MPP1: variants seen among roughly 807,000 people sequenced by gnomAD.
MPP1 encodes the protein 55 kDa erythrocyte membrane protein.
Under a neutral mutation model 38.2 loss-of-function variants are expected in MPP1, and 6 were observed. The ratio of observed to expected loss-of-function variants is 0.16; its 90% confidence interval spans 0.09 to 0.31. The LOEUF (loss-of-function observed/expected upper bound fraction) is 0.31. Among genes scored for constraint, MPP1 ranks in the 10% least tolerant of loss-of-function variants. The pLI is 1.00. For synonymous variants in MPP1, 153 were observed against 146.3 expected (o/e 1.05, Z -0.33); for missense variants, 293 against 368.9 (o/e 0.79, Z 1.69).
intron 1 of MPP1, among the ~76,000 whole-genome samples, chrX:154,797,038 A>G (rs1270453368): frequency 8.9e-6 from 1 of 111,740 alleles, no homozygotes; most frequent in African/African-American, 3.3e-5. Flanking sequence ...ACAGAGCGAG[A>G]CTCTATCTCT....
chrX:154,781,908 GACTTTAAT>G (rs1226658594), intron 9 of MPP1, 106 bp from the exon 10 acceptor site: 4 of 771,889 alleles, frequency 5.2e-6, no homozygotes, highest in Non-Finnish European at 7.6e-6. Context: ...TTGGTGCATT[GACTTTAAT>G]ACAGGGGTTC....
At chrX:154,794,849 C>G (rs1468550967) in intron 1 of MPP1, among the ~76,000 whole-genome samples, 2 of 111,900 alleles carry the variant, frequency 1.8e-5, no homozygotes, top group Non-Finnish European at 3.8e-5. Flanking sequence ...ACCTGTAATC[C>G]CAGCACTTTG....
At chrX:154,796,367 G>C (rs2072198344) in intron 1 of MPP1, among the ~76,000 whole-genome samples, 1 of 111,349 alleles carries the variant, frequency 9.0e-6, no homozygotes, top group Non-Finnish European at 1.9e-5. Context: ...CTGACCGCAA[G>C]TGATCCACCT....
At position 154,778,918 on chromosome X, in the gene MPP1, C is replaced by T. The variant is rs1257666230; in HGVS notation, c.*259G>A. The T allele has an allele frequency of 2.9e-6, 1 of 349,312 alleles. No individual in the cohort carries two copies. The highest frequency in any genetic ancestry group is 4.9e-6 in the Non-Finnish European group (1 of 203,736). 28.8% of individuals were successfully genotyped at this position (349,312 alleles called of 1,213,427 possible). On this transcript the variant is annotated 3_prime_UTR_variant, in exon 12 of 12. Coordinates refer to ENST00000369534, the MANE Select transcript of MPP1 (RefSeq NM_002436.4). ...GTGCATCACCCTTGATTAGCAGTTA[C>T]ATTTTGGTAGTACTTCTTACCCCCA...
At chrX:154,799,755 A>G in intron 1 of MPP1, 1 of 1,162,885 alleles carries the variant, frequency 8.6e-7, no homozygotes, top group Non-Finnish European at 1.1e-6. Context: ...CCAGGACTCC[A>G]TGTCTGGCCT....
At chrX:154,797,329 C>T (rs150468981) in intron 1 of MPP1, among the ~76,000 whole-genome samples, 7,862 of 111,091 alleles carry the variant, frequency 0.071, 699 homozygotes, top group African/African-American at 0.25. Flanking sequence ...ACTAAAAGCA[C>T]GTATACATGA....
Position 154,786,322 on chromosome X carries a change from C to T in MPP1, c.559G>A (p.Ala187Thr), listed in dbSNP as rs950125120. 8.3e-7 allele frequency: 1 copy of T among 1,211,705 alleles called. No individual in the cohort carries two copies. Among genetic ancestry groups the T allele is most frequent in the East Asian group, 3.0e-5 (1 of 33,828 alleles). ...ATAATCTGGATAATGTCCCCAGTAG[C>T]AAACTTCAGTCCCGCCTCCTTGCAA... Reference protein sequence around the residue: ...IPCKEAGLKFATGDIIQIINK... With the variant: ...IPCKEAGLKFTTGDIIQIINK... The change falls in exon 6 of 12, where the codon GCT (alanine) becomes ACT (threonine). Residue 187 changes from alanine (A) to threonine (T), a missense_variant. Physicochemically the swap from Ala to Thr is moderately conservative, Grantham distance 58. Coordinates refer to ENST00000369534, the MANE Select transcript of MPP1 (RefSeq NM_002436.4).
At chrX:154,781,383 T>TTTGATA in intron 10 of MPP1, 70 bp from the exon 11 acceptor site, 2 of 869,541 alleles carry the variant, frequency 2.3e-6, no homozygotes, top group South Asian at 4.4e-5. Flanking sequence ...AAAAAAAACC[T>TTTGATA]ACATAGCTGT....
chrX:154,805,015 C>T (rs1222366819), intron 1 of MPP1, among the ~76,000 whole-genome samples: 2 of 113,265 alleles, frequency 1.8e-5, no homozygotes, highest in African/African-American at 6.4e-5. Context: ...TTAATAAGCG[C>T]ACTGTCCAGG....
intron 7 of MPP1, chrX:154,784,782 C>T: frequency 2.4e-6 from 1 of 411,742 alleles, no homozygotes; most frequent in Non-Finnish European, 4.5e-6. Flanking sequence ...CCTCACTTCC[C>T]CTCTCCCACC....
In MPP1 at chrX:154,781,663, T is replaced by C; in HGVS notation, c.1086A>G (p.Lys362=). ...TATGGATCTGGTGCACTGTTTCAAA[T>C]TTGGTGCCAAACATGTTGCCTTGGT... ...GSYQGNMFGT[K]FETVHQIHKQ... is the part of the protein sequence containing the mutation. The change falls in exon 10 of 12, where the codon AAA becomes AAG. Residue 362 remains lysine (K), a synonymous_variant. Coordinates refer to ENST00000369534, the MANE Select transcript of MPP1 (RefSeq NM_002436.4). 2.5e-6 allele frequency: 3 copies of C among 1,211,709 alleles called. No individual in the cohort carries two copies. Among genetic ancestry groups the C allele is most frequent in the Non-Finnish European group, 3.3e-6 (3 of 895,544 alleles).
chrX:154,783,518 A>G lies in MPP1; in HGVS notation c.866-11T>C. On this transcript the variant is annotated splice_polypyrimidine_tract_variant and intron_variant, in intron 8 of 11. Coordinates refer to ENST00000369534, the MANE Select transcript of MPP1 (RefSeq NM_002436.4). ...CCACCCCACTGGCTCCTGTGTAGAGAGAGAAGAACATCTTTTGGAAAGGGG... is the reference window on the plus strand; with the variant it reads ...CCACCCCACTGGCTCCTGTGTAGAGGGAGAAGAACATCTTTTGGAAAGGGG... 8.4e-7 allele frequency: 1 copy of G among 1,186,001 alleles called. No individual in the cohort carries two copies.
intron 9 of MPP1, 106 bp from the exon 10 acceptor site, chrX:154,781,908 G>A (rs2072010985): frequency 1.3e-6 from 1 of 773,608 alleles, no homozygotes; most frequent in African/African-American, 2.0e-5. Context: ...TTGGTGCATT[G>A]ACTTTAATAC....
At chrX:154,783,686 A>C (rs995694977) in intron 8 of MPP1, 179 bp from the exon 9 acceptor site, 70 of 441,892 alleles carry the variant, frequency 1.6e-4, no homozygotes, top group Non-Finnish European at 2.6e-4. Context: ...CAAAGCCTAC[A>C]TACCTGGGTT....
chrX:154,799,881 T>G, intron 1 of MPP1: 2 of 1,141,539 alleles, frequency 1.8e-6, no homozygotes, highest in South Asian at 4.0e-5. Flanking sequence ...CAGAGGCAGT[T>G]GCTCAAAGGA....
chrX:154,799,820 G>A lies in MPP1; in HGVS notation c.102+5452C>T, dbSNP rs908117692. The stretch of plus-strand genomic sequence containing the variant: ...ACAAAGTGCTGGAGTGGCAATGCCT[G>A]CCGCTCTGAAAGCCCCTTCAGAGGA... On this transcript the variant is annotated intron_variant, in intron 1 of 11. Coordinates refer to ENST00000369534, the MANE Select transcript of MPP1 (RefSeq NM_002436.4). The A allele has an allele frequency of 5.2e-6, 6 of 1,164,391 alleles. No individual in the cohort carries two copies. The South Asian group carries it at 5.7e-5, about 11-fold the overall frequency.
At chrX:154,797,570 T>C (rs1417491381) in intron 1 of MPP1, among the ~76,000 whole-genome samples, 3 of 111,856 alleles carry the variant, frequency 2.7e-5, no homozygotes, top group East Asian at 5.6e-4. Context: ...GCTGCAGCAA[T>C]TGGAAACTCA....
chrX:154,798,961 C>T (rs2072231508), intron 1 of MPP1, among the ~76,000 whole-genome samples: 1 of 111,174 alleles, frequency 9.0e-6, no homozygotes. Context: ...CTTGAACTCC[C>T]AACCTCAGGT....
At chrX:154,803,822 T>C (rs2148544113) in intron 1 of MPP1, among the ~76,000 whole-genome samples, 1 of 112,521 alleles carries the variant, frequency 8.9e-6, no homozygotes, top group African/African-American at 3.2e-5. Context: ...GTATGCTAAG[T>C]GTACCTCAAT....
Sources: allele counts gnomAD v4.1 joint callset (sites outside exome capture counted in the v4.1 genomes callset), GRCh38; gene constraint gnomAD v4.1.1; transcripts MANE v1.5; gene names NCBI Gene and HGNC (gene_info 2026-07-23, HGNC 2026-07-21).